CDC25B: variants seen among roughly 807,000 people sequenced by gnomAD.
CDC25B encodes the protein cell division cycle 25B, also known as M-phase inducer phosphatase 2.
CDC25B carries 33 observed loss-of-function variants against 69.8 expected under a neutral mutation model. That is an observed-to-expected ratio of 0.47 (90% CI 0.36 to 0.63). The LOEUF is 0.63. Ranked by LOEUF, CDC25B falls within the 30% of genes least tolerant of loss-of-function variation. CDC25B has a pLI of 0.00. For missense variants in CDC25B, 727 were observed against 809.1 expected, an observed-to-expected ratio of 0.90 and a Z score of 1.23; for synonymous variants, 341 against 314.6, an observed-to-expected ratio of 1.08 and a Z score of -0.89.
In CDC25B at chr20:3,802,355, G is replaced by A. The variant is rs1327680195; in HGVS notation, c.1173G>A (p.Glu391=). The A allele has an allele frequency of 3.1e-6, 5 of 1,607,060 alleles. No homozygotes were observed. Among genetic ancestry groups the A allele is most frequent in the Non-Finnish European group, 4.2e-6 (5 of 1,179,630 alleles). The part of the protein sequence containing the change: ...IENLLDSDHR[E]LIGDYSKAFL... ...ACCTCCTGGACAGTGACCACCGAGA[G>A]CTGATTGGAGATTACTCTAAGGTAC... Residue 391 remains glutamate, a synonymous_variant, in exon 11 of 16, where the codon GAG becomes GAA. Coordinates refer to ENST00000245960, the MANE Select transcript of CDC25B (RefSeq NM_021873.4).
rs2089453878 is a variant in CDC25B, at chr20:3,805,708, A to C, written c.*747A>C. The C allele has an allele frequency of 2.5e-6, 1 of 403,282 alleles. No individual in the cohort carries two copies. Among genetic ancestry groups the C allele is most frequent in the Admixed American group, 4.4e-5 (1 of 22,746 alleles). The allele number at this position is 403,282 out of a possible 1,614,324, so 25.0% of individuals were successfully genotyped here. On this transcript the variant is annotated 3_prime_UTR_variant, in exon 16 of 16. Coordinates refer to ENST00000245960, the MANE Select transcript of CDC25B (RefSeq NM_021873.4). ...CTCCCAGGGCAAGGGTTAAGGCCTGAATCATGAGCCTGCTGGAAGCCCAGC... is the reference window on the plus strand; with the variant it reads ...CTCCCAGGGCAAGGGTTAAGGCCTGCATCATGAGCCTGCTGGAAGCCCAGC...
intron 3 of CDC25B, among the ~76,000 whole-genome samples, chr20:3,799,868 C>T (rs1310193293): frequency 6.6e-6 from 1 of 152,134 alleles, no homozygotes; most frequent in East Asian, 1.9e-4. Context: ...GCCCTGGAGA[C>T]ACCCACATTG....
chr20:3,792,784 C>G (rs2088936813), upstream of CDC25B, among the ~76,000 whole-genome samples: 1 of 152,086 alleles, frequency 6.6e-6, no homozygotes. Flanking sequence ...GGATTATAGG[C>G]AGGGGCCACC....
intron 1 of CDC25B, among the ~76,000 whole-genome samples, chr20:3,787,407 T>C (rs1225121995): frequency 6.6e-6 from 1 of 152,218 alleles, no homozygotes; most frequent in Non-Finnish European, 1.5e-5. Flanking sequence ...ATTTTTAAAA[T>C]CAGCATTACA....
At position 3,800,951 on chromosome 20, in the gene CDC25B, C is replaced by T; in HGVS notation, c.583-20C>T. 6.2e-7 allele frequency: 1 copy of T among 1,613,688 alleles called. No individual in the cohort carries two copies. Among genetic ancestry groups the T allele is most frequent in the Non-Finnish European group, 8.5e-7 (1 of 1,179,708 alleles). ...GGTTCCCTGGCATGTGAGGACCCTCCTCTCCCATCTTGGCTGCAGGATGGA... is the reference window on the plus strand; with the variant it reads ...GGTTCCCTGGCATGTGAGGACCCTCTTCTCCCATCTTGGCTGCAGGATGGA... On this transcript the variant is annotated intron_variant, in intron 6 of 15. Transcript: ENST00000245960.
At chr20:3,791,448 T>G (rs1278437026), upstream of CDC25B, among the ~76,000 whole-genome samples, 1 of 152,122 alleles carries the variant, frequency 6.6e-6, no homozygotes, top group African/African-American at 2.4e-5. Flanking sequence ...TTTTGGAGAC[T>G]GAGGCTGGTG....
chr20:3,806,113 A>C lies in CDC25B; in HGVS notation c.*1152A>C, dbSNP rs1041606163. 2 of 394,594 alleles carry C rather than the reference A, an allele frequency of 5.1e-6. No homozygotes were observed. The highest frequency in any genetic ancestry group is 4.1e-5 in the African/African-American group (2 of 48,574). The allele number at this position is 394,594 out of a possible 1,614,324, so 24.4% of individuals were successfully genotyped here. ...TCAATAAAGCACTGAGCAAGTTGAG[A>C]AACCAGCATTGTGTCCTGTGGGGCC... is the stretch of plus-strand genomic sequence containing the variant. On this transcript the variant is annotated 3_prime_UTR_variant, in exon 16 of 16. Transcript: ENST00000245960.
chr20:3,804,044 C>T (rs533999755), intron 14 of CDC25B, among the ~76,000 whole-genome samples: 1 of 152,204 alleles, frequency 6.6e-6, no homozygotes, highest in African/African-American at 2.4e-5. Context: ...AGCCTGGCCT[C>T]ACCCATGTGG....
intron 1 of CDC25B, among the ~76,000 whole-genome samples, chr20:3,788,874 C>G (rs1276932824): frequency 6.6e-6 from 1 of 150,542 alleles, no homozygotes; most frequent in African/African-American, 2.4e-5. Context: ...TTCTTTCTTT[C>G]CTTCCTTCCT....
intron 1 of CDC25B, among the ~76,000 whole-genome samples, chr20:3,787,964 C>T (rs1490434382): frequency 6.6e-6 from 1 of 152,038 alleles, no homozygotes; most frequent in Non-Finnish European, 1.5e-5. Flanking sequence ...AGTGAAACTC[C>T]GTCTCTACTA....
At chr20:3,790,291 G>A (rs1461197272) in intron 1 of CDC25B, among the ~76,000 whole-genome samples, 1 of 150,084 alleles carries the variant, frequency 6.7e-6, no homozygotes, top group Non-Finnish European at 1.5e-5. Context: ...GTTTTATTAA[G>A]ATATATTTCA....
intron 3 of CDC25B, among the ~76,000 whole-genome samples, chr20:3,799,785 C>T (rs2089208914): frequency 6.6e-6 from 1 of 152,098 alleles, no homozygotes; most frequent in Non-Finnish European, 1.5e-5. Context: ...AAAGCAGGCC[C>T]CAGTCCTCAG....
In CDC25B at chr20:3,804,621, T is replaced by C; in HGVS notation, c.1543T>C (p.Tyr515His). The change falls in exon 15 of 16, where the codon TAC (tyrosine) becomes CAC (histidine). Residue 515 changes from tyrosine (Y) to histidine (H), a missense_variant. Tyr to His is a moderately conservative substitution (Grantham distance 83). Around this residue, in one of 2 missense-constraint regions of CDC25B, gnomAD observed 359 missense variants for 463.4 expected, o/e 0.77. Transcript: ENST00000245960. The part of the protein sequence containing the change: ...DRAVNDYPSL[Y>H]YPEMYILKGG... ...TGCTGTCAACGACTACCCCAGCCTC[T>C]ACTACCCTGAGATGTATATCCTGAA... is the stretch of plus-strand genomic sequence containing the variant. The C allele has an allele frequency of 6.2e-7, 1 of 1,614,122 alleles. No homozygotes were observed. The highest frequency in any genetic ancestry group is 1.7e-5 in the Admixed American group (1 of 60,016).
intron 3 of CDC25B, among the ~76,000 whole-genome samples, chr20:3,799,525 T>TGTGCGTGCGCGC (rs1211874383): frequency 1.5e-5 from 1 of 68,688 alleles, no homozygotes; most frequent in African/African-American, 4.8e-5. Context: ...TGTGTGTGTG[T>TGTGCGTGCGCGC]GCGCGCGCGC....
upstream of CDC25B, among the ~76,000 whole-genome samples, chr20:3,791,555 C>T (rs964488510): frequency 1.3e-5 from 2 of 151,982 alleles, no homozygotes; most frequent in Non-Finnish European, 2.9e-5. Flanking sequence ...TAGTGGGATG[C>T]GCCTGTAGTC....
chr20:3,804,343 T>G (rs917190791), intron 14 of CDC25B, among the ~76,000 whole-genome samples: 2 of 152,212 alleles, frequency 1.3e-5, no homozygotes, highest in Non-Finnish European at 2.9e-5. Context: ...AACTGCCTTC[T>G]AGAAACGGAG....
At chr20:3,794,272 C>T (rs373072367), upstream of CDC25B, among the ~76,000 whole-genome samples, 785 of 151,340 alleles carry the variant, frequency 5.2e-3, 6 homozygotes, top group African/African-American at 0.016. Context: ...TGTTTCCTGA[C>T]TTTTTAATGA....
chr20:3,796,429 C>G lies in CDC25B; in HGVS notation c.-103C>G. On this transcript the variant is annotated 5_prime_UTR_variant, in exon 1 of 16. Transcript: ENST00000245960. Reference sequence around the variant, plus strand: ...CCTCCCTCCCTCCTTCCCCCCCCCCCCACCCCTCGCCCGCTGCCTCCCTCG... The same window carrying G: ...CCTCCCTCCCTCCTTCCCCCCCCCCGCACCCCTCGCCCGCTGCCTCCCTCG... 1.8e-5 allele frequency: 6 copies of G among 329,150 alleles called. No homozygotes were observed. The highest frequency in any genetic ancestry group is 2.2e-5 in the Non-Finnish European group (5 of 222,970). The allele number at this position is 329,150 out of a possible 1,614,324, so 20.4% of individuals were successfully genotyped here.
At chr20:3,801,436 C>T (rs773567462) in intron 8 of CDC25B, 48 bp downstream of exon 8, 15 of 1,545,006 alleles carry the variant, frequency 9.7e-6, no homozygotes, top group South Asian at 2.5e-5. Context: ...TCCCTGGGTT[C>T]GCCCAAAAGA....
Sources: allele counts gnomAD v4.1 joint callset (sites outside exome capture counted in the v4.1 genomes callset), GRCh38; gene constraint gnomAD v4.1.1; regional missense constraint gnomAD v4.1.1; transcripts MANE v1.5; gene names NCBI Gene and HGNC (gene_info 2026-07-23, HGNC 2026-07-21).